Variants in CYRIB observed in about 807,000 individuals in gnomAD.
CYRIB encodes CYFIP-related Rac1 interactor B.
A neutral mutation model predicts 44.2 loss-of-function variants in CYRIB; 8 were observed. That is an observed-to-expected ratio of 0.18 (90% CI 0.11 to 0.33). The LOEUF (loss-of-function observed/expected upper bound fraction) is 0.33, where lower values mean the gene tolerates loss of function less well. Ranked by LOEUF, CYRIB falls within the 10% of genes least tolerant of loss-of-function variation. CYRIB has a pLI of 1.00. For missense variants in CYRIB, 185 were observed against 382.8 expected (o/e 0.48, Z 4.31); for synonymous variants, 131 against 127.2 (o/e 1.03, Z -0.20).
intron 5 of CYRIB, among the ~76,000 whole-genome samples, chr8:129,859,447 C>G (rs555822600): frequency 1.6e-3 from 247 of 152,214 alleles, no homozygotes; most frequent in Middle Eastern, 0.014. Context: ...GGTGGAGGAG[C>G]AGAGTCTTCT....
chr8:129,859,226 C>T (rs1005350632), intron 5 of CYRIB, among the ~76,000 whole-genome samples: 11 of 152,110 alleles, frequency 7.2e-5, no homozygotes, highest in African/African-American at 2.7e-4. Context: ...GGAGAAAGAG[C>T]GAAACAGCTT....
intron 1 of CYRIB, among the ~76,000 whole-genome samples, chr8:129,907,124 C>T (rs1017006513): frequency 4.6e-5 from 7 of 152,212 alleles, no homozygotes; most frequent in African/African-American, 1.7e-4. Context: ...GATTACAAAT[C>T]ATGCTGCTAT....
chr8:129,917,463 C>G (rs1379966053), intron 1 of CYRIB, among the ~76,000 whole-genome samples: 4 of 152,184 alleles, frequency 2.6e-5, no homozygotes, highest in Admixed American at 2.0e-4. Flanking sequence ...CACATATCTA[C>G]ACATCATCCT....
At chr8:129,846,684 T>C (rs955313973) in intron 11 of CYRIB, 120 bp downstream of exon 13, 2 of 662,740 alleles carry the variant, frequency 3.0e-6, no homozygotes, top group African/African-American at 3.9e-5. Context: ...GATCTTCATA[T>C]TTCTAGCTTG....
chr8:129,910,487 T>C (rs1330024611), intron 1 of CYRIB, among the ~76,000 whole-genome samples: 1 of 125,988 alleles, frequency 7.9e-6, no homozygotes, highest in Non-Finnish European at 1.8e-5. Context: ...CTTTTTTTTT[T>C]TTTTTTTTTT....
At chr8:130,005,706 A>T (rs2134087063) in intron 1 of CYRIB, among the ~76,000 whole-genome samples, 1 of 152,226 alleles carries the variant, frequency 6.6e-6, no homozygotes, top group Middle Eastern at 3.4e-3. Flanking sequence ...TTAAAAATTA[A>T]AAGCTGGGAA....
chr8:129,888,170 G>A (rs1415473380), intron 2 of CYRIB, among the ~76,000 whole-genome samples: 3 of 152,162 alleles, frequency 2.0e-5, no homozygotes, highest in Admixed American at 1.3e-4. Flanking sequence ...TGCTGCTGTT[G>A]TGATAGTGAG....
At chr8:129,954,908 C>T (rs1297306589) in intron 2 of CYRIB, among the ~76,000 whole-genome samples, 1 of 152,124 alleles carries the variant, frequency 6.6e-6, no homozygotes, top group Non-Finnish European at 1.5e-5. Context: ...TTATTTGGCC[C>T]TTACTACACA....
chr8:129,930,380 T>TATATATA (rs1391611901), intron 1 of CYRIB, among the ~76,000 whole-genome samples: 15 of 124,790 alleles, frequency 1.2e-4, no homozygotes, highest in East Asian at 2.2e-4. Flanking sequence ...TATATATATA[T>TATATATA]TTTAATTATT....
chr8:129,939,252 AC>A (rs2130534081), intron 1 of CYRIB, among the ~76,000 whole-genome samples: 1 of 149,962 alleles, frequency 6.7e-6, no homozygotes, highest in East Asian at 2.0e-4. Flanking sequence ...GGGAGGGGGG[AC>A]AACGCCGACA....
At chr8:129,930,926 T>G (rs914796101) in intron 1 of CYRIB, among the ~76,000 whole-genome samples, 7 of 152,260 alleles carry the variant, frequency 4.6e-5, no homozygotes, top group African/African-American at 1.7e-4. Flanking sequence ...ATAAATGAAG[T>G]TGACTTCTCC....
intron 1 of CYRIB, among the ~76,000 whole-genome samples, chr8:129,982,546 A>G (rs1391115962): frequency 2.0e-5 from 3 of 152,244 alleles, no homozygotes; most frequent in African/African-American, 7.2e-5. Context: ...CCTTGATCCA[A>G]GTCCTGACTC....
At chr8:129,863,248 T>G (rs1274376502) in intron 4 of CYRIB, among the ~76,000 whole-genome samples, 1 of 152,122 alleles carries the variant, frequency 6.6e-6, no homozygotes, top group Middle Eastern at 3.2e-3. Flanking sequence ...AATTGTCAGC[T>G]GGGCGCCGTG....
chr8:130,015,460 G>A (rs1194260692), intron 1 of CYRIB, among the ~76,000 whole-genome samples: 3 of 152,138 alleles, frequency 2.0e-5, no homozygotes, highest in Non-Finnish European at 2.9e-5. Context: ...ACTTGCCCAA[G>A]GTCACACAGC....
intron 3 of CYRIB, among the ~76,000 whole-genome samples, chr8:129,876,461 A>G (rs1479370335): frequency 1.3e-5 from 2 of 152,158 alleles, no homozygotes; most frequent in Admixed American, 1.3e-4. Flanking sequence ...TATCTTAGTT[A>G]TTTTGCAACC....
intron 2 of CYRIB, among the ~76,000 whole-genome samples, chr8:129,889,188 A>G (rs768480003): frequency 1.3e-5 from 2 of 152,232 alleles, no homozygotes; most frequent in Admixed American, 6.5e-5. Flanking sequence ...AGATGACAGC[A>G]TATCTGTTTA....
chr8:129,951,420 G>A (rs2094495945), intron 2 of CYRIB, among the ~76,000 whole-genome samples: 1 of 152,032 alleles, frequency 6.6e-6, no homozygotes, highest in South Asian at 2.1e-4. Flanking sequence ...GAAAATGGTA[G>A]AAACGGCCAG....
At chr8:129,946,539 A>G (rs572832202) in intron 2 of CYRIB, among the ~76,000 whole-genome samples, 271 of 152,304 alleles carry the variant, frequency 1.8e-3, no homozygotes, top group African/African-American at 6.1e-3. Context: ...ATCCCCTGGG[A>G]AGGGCTAGAA....
chr8:129,947,861 T>C (rs1346846416), intron 2 of CYRIB: 4 of 152,222 alleles, frequency 2.6e-5, no homozygotes, highest in Admixed American at 6.5e-5. Flanking sequence ...GTCAGCCACA[T>C]CGCTGTTAAA....
Sources: gnomAD v4.1 joint callset for allele counts (sites outside exome capture counted in the v4.1 genomes callset) on GRCh38, gnomAD v4.1.1 for gene constraint, MANE v1.5 for transcripts, NCBI Gene and HGNC (gene_info 2026-07-23, HGNC 2026-07-21) for gene names.